Variants in MGAT4C observed in about 807,000 individuals in gnomAD.
MGAT4C encodes the protein alpha-1,3-mannosyl-glycoprotein 4-beta-N-acetylglucosaminyltransferase C.
In MGAT4C, 19 loss-of-function variants were observed where a neutral mutation model predicts 40.1. That is an observed-to-expected ratio of 0.47 (90% confidence interval 0.33 to 0.70). MGAT4C has a LOEUF of 0.70. Ranked by LOEUF, MGAT4C falls within the 30% of genes least tolerant of loss-of-function variation. MGAT4C has a pLI of 0.02. For synonymous variants in MGAT4C, 181 were observed against 187.1 expected (o/e 0.97, Z 0.27); for missense variants, 491 against 563.2 (o/e 0.87, Z 1.30).
chr12:86,501,600 T>A (rs1282130934), intron 2 of MGAT4C, among the ~76,000 whole-genome samples: 1 of 150,576 alleles, frequency 6.6e-6, no homozygotes, highest in Non-Finnish European at 1.5e-5. Context: ...CAGTGCTTGG[T>A]TTTCTGTTCC....
chr12:86,097,300 T>C (rs1386122659), intron 1 of MGAT4C, among the ~76,000 whole-genome samples: 1 of 151,650 alleles, frequency 6.6e-6, no homozygotes, highest in African/African-American at 2.4e-5. Flanking sequence ...AAAAATAACA[T>C]ATGTTAACTT....
intron 1 of MGAT4C, among the ~76,000 whole-genome samples, chr12:86,232,330 A>G (rs1398900445): frequency 6.6e-6 from 1 of 152,206 alleles, no homozygotes; most frequent in Non-Finnish European, 1.5e-5. Context: ...CTAAGATAAC[A>G]TTCACAAAAG....
chr12:86,114,238 T>C (rs1877969233), intron 1 of MGAT4C, among the ~76,000 whole-genome samples: 2 of 151,870 alleles, frequency 1.3e-5, no homozygotes, highest in Non-Finnish European at 2.9e-5. Flanking sequence ...CTTTTGGTAT[T>C]CCTTAAATGG....
chr12:86,534,970 TAC>T (rs1469149559), intron 2 of MGAT4C, among the ~76,000 whole-genome samples: 1 of 152,004 alleles, frequency 6.6e-6, no homozygotes, highest in Admixed American at 6.6e-5. Context: ...AAAAGAAAAA[TAC>T]AGAGGTAATA....
At chr12:86,265,607 T>C (rs1010372710) in intron 4 of MGAT4C, among the ~76,000 whole-genome samples, 2 of 152,184 alleles carry the variant, frequency 1.3e-5, no homozygotes, top group Admixed American at 1.3e-4. Context: ...CCAGGTTTTT[T>C]CCTTTTGCTT....
At chr12:86,700,626 T>A (rs1950345195) in intron 2 of MGAT4C, among the ~76,000 whole-genome samples, 1 of 152,130 alleles carries the variant, frequency 6.6e-6, no homozygotes, top group Non-Finnish European at 1.5e-5. Flanking sequence ...GTTACATCTA[T>A]ATCTACTGAA....
intron 2 of MGAT4C, among the ~76,000 whole-genome samples, chr12:86,539,146 G>T (rs1440596562): frequency 6.6e-6 from 1 of 151,692 alleles, no homozygotes; most frequent in African/African-American, 2.4e-5. Flanking sequence ...TTTACATTAG[G>T]TATATCTCCT....
At chr12:86,782,343 G>A (rs925901406) in intron 1 of MGAT4C, among the ~76,000 whole-genome samples, 3 of 151,576 alleles carry the variant, frequency 2.0e-5, no homozygotes, top group African/African-American at 2.4e-5. Flanking sequence ...CACTACGCCC[G>A]GCTAATTTTT....
intron 2 of MGAT4C, chr12:86,028,234 T>C: frequency 8.3e-7 from 1 of 1,207,740 alleles, no homozygotes; most frequent in Non-Finnish European, 1.1e-6. Flanking sequence ...CAAAATCTTT[T>C]TCATTATTAT....
At position 85,962,641 on chromosome 12, in the gene MGAT4C, A is replaced by C. The variant is rs1019491916; in HGVS notation, c.*16648T>G. The stretch of plus-strand genomic sequence containing the variant: ...TGAAGGATGTAGATTGTTTAAGTAC[A>C]TTCAACTTGTAATGAACTGTAAACT... On this transcript the variant is annotated 3_prime_UTR_variant, in exon 5 of 5. Coordinates refer to ENST00000611864, the MANE Select transcript of MGAT4C (RefSeq NM_001351288.2). 1 of 151,010 alleles carries C rather than the reference A, an allele frequency of 6.6e-6. No homozygotes were observed. Among genetic ancestry groups the C allele is most frequent in the Non-Finnish European group, 1.5e-5 (1 of 67,478 alleles). 9.4% of individuals were successfully genotyped at this position (151,010 alleles called of 1,614,324 possible).
At chr12:86,635,437 C>T (rs866592400) in intron 2 of MGAT4C, among the ~76,000 whole-genome samples, 2 of 151,936 alleles carry the variant, frequency 1.3e-5, no homozygotes, top group South Asian at 4.2e-4. Context: ...AGTACTAGCA[C>T]CATTATTAGC....
chr12:86,439,208 A>G (rs1957186699), intron 2 of MGAT4C, among the ~76,000 whole-genome samples: 1 of 151,988 alleles, frequency 6.6e-6, no homozygotes, highest in African/African-American at 2.4e-5. Flanking sequence ...ATTCTCCAAG[A>G]TAGAACACAT....
chr12:86,256,641 T>C (rs544745947), upstream of MGAT4C, among the ~76,000 whole-genome samples: 8 of 152,292 alleles, frequency 5.3e-5, no homozygotes, highest in East Asian at 1.5e-3. Flanking sequence ...ATTTACCTAA[T>C]TAATTAATCA....
At chr12:86,486,261 A>G (rs1958017071) in intron 2 of MGAT4C, among the ~76,000 whole-genome samples, 2 of 152,052 alleles carry the variant, frequency 1.3e-5, no homozygotes. Context: ...AAGAGGATAG[A>G]GTAGAAAGGT....
chr12:86,684,273 CAT>C (rs1312317791), intron 2 of MGAT4C, among the ~76,000 whole-genome samples: 3 of 152,150 alleles, frequency 2.0e-5, no homozygotes, highest in African/African-American at 7.2e-5. Context: ...TGAGTGAAAA[CAT>C]GTGGTGTTTG....
chr12:86,609,873 C>A lies in MGAT4C; in HGVS notation c.-229+117336G>T, dbSNP rs181956908. ...AGAGGGATGTAGAATATACCCCTAA[C>A]ATCCAGGTGATTGTCTTCCCTCCAA... On this transcript the variant is annotated intron_variant, in intron 2 of 7. Coordinates refer to the MGAT4C transcript ENST00000548651. Among the ~76,000 whole-genome samples the A allele has an allele frequency of 2.0e-5, 3 of 151,896 alleles. No homozygotes were observed. The East Asian group carries it at 5.8e-4, about 29-fold the overall frequency.
In MGAT4C at chr12:85,975,787, A is replaced by C. The variant is rs1883934420; in HGVS notation, c.*3502T>G. On this transcript the variant is annotated 3_prime_UTR_variant, in exon 5 of 5. Transcript: ENST00000611864. ...TTTGTACAAAACGGTAAATCATTTT[A>C]TCAGTAGATCCCATAATAAATATTA... 4.0e-5 allele frequency: 6 copies of C among 151,016 alleles called. No individual in the cohort carries two copies. The highest frequency in any genetic ancestry group is 8.9e-5 in the Non-Finnish European group (6 of 67,178). 9.4% of individuals were successfully genotyped at this position (151,016 alleles called of 1,614,324 possible). A position where few individuals can be genotyped will look rare whatever the true frequency, so the allele number is the denominator to read the frequency against.
At chr12:86,123,708 A>G (rs935009764) in intron 1 of MGAT4C, among the ~76,000 whole-genome samples, 5 of 152,108 alleles carry the variant, frequency 3.3e-5, no homozygotes, top group Admixed American at 6.6e-5. Flanking sequence ...AGTAAAAACG[A>G]TTTGAGTCCT....
At position 86,032,749 on chromosome 12, in the gene MGAT4C, G is replaced by A. The variant is rs184255670; in HGVS notation, c.-7+16925C>T. ...CTCTGTTGATAGTTTCTTTCACTGCGCAGAAGCTTTTCAGTTTAATTAGGT... is the reference window on the plus strand; with the variant it reads ...CTCTGTTGATAGTTTCTTTCACTGCACAGAAGCTTTTCAGTTTAATTAGGT... On this transcript the variant is annotated intron_variant, in intron 2 of 4. Transcript: ENST00000611864. 5.7e-4 allele frequency among the ~76,000 whole-genome samples: 86 copies of A among 149,618 alleles called. 3 individuals carry two copies. In the East Asian group the frequency reaches 6.4e-3, roughly 11 times the overall value.
Sources: gnomAD v4.1 joint callset for allele counts (sites outside exome capture counted in the v4.1 genomes callset) on GRCh38, gnomAD v4.1.1 for gene constraint, MANE v1.5 for transcripts, NCBI Gene and HGNC (gene_info 2026-07-23, HGNC 2026-07-21) for gene names.